The following FAM20C variants were observed in gnomAD, a reference collection of about 807,000 sequenced individuals.
FAM20C encodes extracellular serine/threonine protein kinase FAM20C.
FAM20C carries 40 observed loss-of-function variants against 51.5 expected under a neutral mutation model. That is an observed-to-expected ratio of 0.78 (90% CI 0.60 to 1.01). FAM20C has a LOEUF of 1.01. Among genes scored for constraint, FAM20C ranks in the 50% least tolerant of loss-of-function variants. The pLI, the probability that FAM20C is intolerant of heterozygous loss-of-function variation, is 0.00. For synonymous variants in FAM20C, 406 were observed against 380.6 expected (o/e 1.07, Z -0.78); for missense variants, 861 against 844.7 (o/e 1.02, Z -0.24).
At chr7:218,150 C>T (rs1159553152) in intron 3 of FAM20C, among the ~76,000 whole-genome samples, 1 of 152,216 alleles carries the variant, frequency 6.6e-6, no homozygotes, top group Non-Finnish European at 1.5e-5. Flanking sequence ...CACGAGCTGC[C>T]AGGCAGGCCA....
At chr7:211,138 TCAGCCTCCCCTGGGCCTCCTCC>T (rs1454923032) in intron 3 of FAM20C, among the ~76,000 whole-genome samples, 1 of 68,432 alleles carries the variant, frequency 1.5e-5, no homozygotes, top group African/African-American at 5.3e-5. Context: ...TCCTCCCCCG[TCAGCCTCCCCTGGGCCTCCTCC>T]CAGCCTCCGC....
At chr7:251,280 T>TGAGTGGCCGGGCACGGCGGCTCACGGCTG (rs1462439696) in intron 5 of FAM20C, among the ~76,000 whole-genome samples, 1 of 76,060 alleles carries the variant, frequency 1.3e-5, no homozygotes, top group Admixed American at 1.3e-4. Flanking sequence ...ACGCCTGCAA[T>TGAGTGGCCGGGCACGGCGGCTCACGGCTG]CCCAGTACTG....
chr7:199,038 GTCCAGGTCCAGGTC>G lies in FAM20C; in HGVS notation c.784+3310_784+3323del, dbSNP rs1348947028. On this transcript the variant is annotated intron_variant, in intron 2 of 9. Transcript: ENST00000313766. ...AAGTGTGCCATGGGAGCTGCTCCAT[GTCCAGGTCCAGGTC>G]TCCTGGTCTGCAGGGAACGGCACAA... Among the ~76,000 whole-genome samples the G allele has an allele frequency of 3.3e-5, 5 of 152,358 alleles. No homozygotes were observed. The East Asian group carries it at 9.6e-4, about 29-fold the overall frequency.
intron 3 of FAM20C, among the ~76,000 whole-genome samples, chr7:235,516 T>A (rs894904228): frequency 6.6e-6 from 1 of 152,218 alleles, no homozygotes; most frequent in Non-Finnish European, 1.5e-5. Context: ...TTTGTTTTAA[T>A]AATTTCCTTC....
At chr7:223,720 C>T (rs982240282) in intron 3 of FAM20C, among the ~76,000 whole-genome samples, 2 of 152,216 alleles carry the variant, frequency 1.3e-5, no homozygotes, top group African/African-American at 2.4e-5. Context: ...CAGGTGGTCC[C>T]GGCATTGGCC....
intron 3 of FAM20C, among the ~76,000 whole-genome samples, chr7:224,225 C>G (rs1233559252): frequency 7.4e-6 from 1 of 134,820 alleles, no homozygotes; most frequent in East Asian, 2.2e-4. Context: ...CCTGAGCCTT[C>G]TCTCACGGAG....
chr7:196,052 G>A (rs1785851999), intron 2 of FAM20C, among the ~76,000 whole-genome samples: 1 of 152,230 alleles, frequency 6.6e-6, no homozygotes, highest in African/African-American at 2.4e-5. Flanking sequence ...CTGGGGTAGA[G>A]GAATAGAGGG....
At chr7:208,568 G>T (rs556422434) in intron 2 of FAM20C, among the ~76,000 whole-genome samples, 2 of 88,170 alleles carry the variant, frequency 2.3e-5, no homozygotes, top group African/African-American at 6.2e-5. Flanking sequence ...GTGTGGGTGT[G>T]TACATGGCTG....
chr7:231,201 G>C (rs1324198117), intron 3 of FAM20C, among the ~76,000 whole-genome samples: 2 of 152,174 alleles, frequency 1.3e-5, no homozygotes, highest in Non-Finnish European at 2.9e-5. Context: ...GACAGGAGTG[G>C]GTGCGCTGGG....
rs139547987 is a variant in FAM20C, at chr7:247,304, G to A, written c.956+797G>A. ...AAGGGCAGTAAACGGGCCTGGCCCAGGTCCAGAGGGGCCCCGTGGATTGAA... is the reference window on the plus strand; with the variant it reads ...AAGGGCAGTAAACGGGCCTGGCCCAAGTCCAGAGGGGCCCCGTGGATTGAA... On this transcript the variant is annotated intron_variant, in intron 4 of 9. Coordinates refer to ENST00000313766, the MANE Select transcript of FAM20C (RefSeq NM_020223.4). 8.1e-3 allele frequency among the ~76,000 whole-genome samples: 1,233 copies of A among 152,276 alleles called. 18 individuals carry two copies. In the East Asian group the frequency reaches 0.09, roughly 11 times the overall value.
Position 193,630 on chromosome 7 carries a change from G to A in FAM20C, c.431G>A (p.Gly144Asp). Residue 144 changes from glycine (G) to aspartate (D), a missense_variant, in exon 1 of 10, where the codon GGC becomes GAC. Gly to Asp is a moderately conservative substitution (Grantham distance 94, BLOSUM62 -1). Transcript: ENST00000313766. ...PAHRPLLRDPGPRRSESPPGP... is the reference protein window; with the variant it reads ...PAHRPLLRDPDPRRSESPPGP... ...CACCGGCCGCTGCTGCGAGACCCCG[G>A]CCCGCGTCGGTCCGAGTCGCCCCCC... 1 of 1,538,364 alleles carries A rather than the reference G, an allele frequency of 6.5e-7. No homozygotes were observed. Among genetic ancestry groups the A allele is most frequent in the Non-Finnish European group, 8.8e-7 (1 of 1,142,690 alleles).
At chr7:249,600 C>T (rs554143073) in intron 5 of FAM20C, among the ~76,000 whole-genome samples, 4 of 152,198 alleles carry the variant, frequency 2.6e-5, no homozygotes, top group South Asian at 2.1e-4. Context: ...ATTAGCCAGC[C>T]GTGGTGGCGC....
At chr7:256,523 C>T (rs1788596255) in intron 6 of FAM20C, 131 bp from the exon 7 acceptor site, 3 of 728,182 alleles carry the variant, frequency 4.1e-6, no homozygotes, top group African/African-American at 1.7e-5. Context: ...AGCCTCAGCG[C>T]CGCAGCCCGG....
In FAM20C at chr7:195,559, A is replaced by G. The variant is rs1343126201; in HGVS notation, c.611A>G (p.His204Arg). Residue 204 changes from histidine to arginine, a missense_variant, in exon 2 of 10, where the codon CAT (histidine) becomes CGT (arginine). By Grantham distance (29) the His-to-Arg change is conservative. Transcript: ENST00000313766. The stretch of plus-strand genomic sequence containing the variant: ...GTCCTCGCTGCTCCCTGCAGGCCGC[A>G]TGCGGGTGCTGAAGGTGCAGAATTC... ...PKAAENPDWP[H>R]AGAEGAEFLS... The G allele has an allele frequency of 2.5e-6, 4 of 1,576,966 alleles. No homozygotes were observed. Among genetic ancestry groups the G allele is most frequent in the Middle Eastern group, 1.7e-4 (1 of 5,962 alleles).
intron 2 of FAM20C, among the ~76,000 whole-genome samples, chr7:202,841 A>C (rs574331393): frequency 1.4e-3 from 220 of 152,366 alleles, no homozygotes; most frequent in African/African-American, 5.1e-3. Flanking sequence ...TCCTGTGTGC[A>C]TAGCGAGGAC....
intron 3 of FAM20C, among the ~76,000 whole-genome samples, chr7:237,058 G>T (rs1423517006): frequency 6.6e-6 from 1 of 152,250 alleles, no homozygotes; most frequent in African/African-American, 2.4e-5. Flanking sequence ...CTGTGAGGCA[G>T]ATTGGCTTGG....
At chr7:253,311 C>A (rs141353683) in intron 5 of FAM20C, among the ~76,000 whole-genome samples, 1 of 152,178 alleles carries the variant, frequency 6.6e-6, no homozygotes, top group Non-Finnish European at 1.5e-5. Flanking sequence ...ACACAGTCAG[C>A]GAAAGGAATG....
chr7:250,372 C>T (rs1441484806), intron 5 of FAM20C, among the ~76,000 whole-genome samples: 4 of 152,218 alleles, frequency 2.6e-5, no homozygotes, highest in South Asian at 2.1e-4. Flanking sequence ...TCCACAGAGG[C>T]GGGAAGAAGG....
At chr7:227,008 C>G (rs1300755697) in intron 3 of FAM20C, among the ~76,000 whole-genome samples, 3 of 152,134 alleles carry the variant, frequency 2.0e-5, no homozygotes, top group Non-Finnish European at 4.4e-5. Context: ...CTCGGCTGTT[C>G]CGATTAGGCC....
Sources: allele counts gnomAD v4.1 joint callset (sites outside exome capture counted in the v4.1 genomes callset), GRCh38; gene constraint gnomAD v4.1.1; transcripts MANE v1.5; gene names NCBI Gene and HGNC (gene_info 2026-07-23, HGNC 2026-07-21).